Variants in ZBTB41 observed in about 807,000 individuals in gnomAD.
The protein encoded by ZBTB41 is zinc finger and BTB domain-containing protein 41.
A neutral mutation model predicts 87.6 loss-of-function variants in ZBTB41; 42 were observed. The observed-to-expected ratio is 0.48, with a 90% CI of 0.37 to 0.62. The LOEUF (loss-of-function observed/expected upper bound fraction) is 0.62, where lower values mean the gene tolerates loss of function less well. ZBTB41 is among the 20% of genes least tolerant of loss of function. The probability of loss-of-function intolerance (pLI) is 0.00; values close to 1 mark genes in which losing one functional copy is unlikely to be tolerated. For missense variants in ZBTB41, 799 were observed against 1,078.9 expected, an observed-to-expected ratio of 0.74 and a Z score of 3.63; for synonymous variants, 364 against 364.0, an observed-to-expected ratio of 1.00 and a Z score of 0.00.
At chr1:197,193,413 C>A (rs1201147657) in intron 2 of ZBTB41, among the ~76,000 whole-genome samples, 1 of 151,530 alleles carries the variant, frequency 6.6e-6, no homozygotes. Flanking sequence ...AACAAAAAAA[C>A]CCAGCACATA....
At chr1:197,186,266 G>A (rs558688263) in intron 5 of ZBTB41, among the ~76,000 whole-genome samples, 4 of 136,808 alleles carry the variant, frequency 2.9e-5, no homozygotes, top group Non-Finnish European at 4.8e-5. Flanking sequence ...AGTACAAATG[G>A]ATATCCACAG....
chr1:197,175,845 T>G (rs1005684754), intron 8 of ZBTB41: 10 of 151,980 alleles, frequency 6.6e-5, no homozygotes, highest in African/African-American at 2.4e-4. Context: ...AACTGCAACC[T>G]ATCTCATTGA....
chr1:197,153,688 C>T lies in ZBTB41; in HGVS notation c.*5671G>A, dbSNP rs2125119291. ...AAAACCTAGATATGCTGTATTAGGA[C>T]CAAAGAACTTTATATTTATTTTAAA... On this transcript the variant is annotated 3_prime_UTR_variant, in exon 11 of 11. Transcript: ENST00000367405. The T allele has an allele frequency of 6.6e-6, 1 of 152,094 alleles. No individual in the cohort carries two copies. Among genetic ancestry groups the T allele is most frequent in the East Asian group, 1.9e-4 (1 of 5,186 alleles). 9.4% of individuals were successfully genotyped at this position (152,094 alleles called of 1,614,324 possible). A position where few individuals can be genotyped will look rare whatever the true frequency, so the allele number is the denominator to read the frequency against.
rs199858327 is a variant in ZBTB41 at position 197,188,266 on chromosome 1, G to T, written c.1546+26C>A. ...TGTGATAATTAAAATTGTCATGACT[G>T]CCTTAAGAAAAAGTAACTTGCTTAC... On this transcript the variant is annotated intron_variant, in intron 5 of 10. Coordinates refer to ENST00000367405, the MANE Select transcript of ZBTB41 (RefSeq NM_194314.3). 6.6e-5 allele frequency: 106 copies of T among 1,610,168 alleles called. 1 individual carries two copies. The Middle Eastern group carries it at 8.3e-4, about 13-fold the overall frequency.
chr1:197,195,051 C>A (rs1036059343), intron 2 of ZBTB41, among the ~76,000 whole-genome samples: 29 of 152,172 alleles, frequency 1.9e-4, no homozygotes, highest in Admixed American at 9.2e-4. Flanking sequence ...AAACAGTAAA[C>A]ATCTACAACT....
At chr1:197,168,226 TAC>T (rs1259666132) in intron 10 of ZBTB41, among the ~76,000 whole-genome samples, 1 of 151,924 alleles carries the variant, frequency 6.6e-6, no homozygotes, top group African/African-American at 2.4e-5. Flanking sequence ...CACTAAAAAC[TAC>T]AAATCATCTT....
At chr1:197,165,765 G>A (rs1324853690) in intron 10 of ZBTB41, among the ~76,000 whole-genome samples, 1 of 152,098 alleles carries the variant, frequency 6.6e-6, no homozygotes, top group Non-Finnish European at 1.5e-5. Flanking sequence ...GGCAGGGAAA[G>A]GCAAATTAAA....
At chr1:197,184,988 AT>A (rs1170030695) in intron 5 of ZBTB41, among the ~76,000 whole-genome samples, 1 of 151,896 alleles carries the variant, frequency 6.6e-6, no homozygotes, top group Non-Finnish European at 1.5e-5. Flanking sequence ...CTAATTTTGT[AT>A]TTTTAGTAGA....
intron 2 of ZBTB41, among the ~76,000 whole-genome samples, chr1:197,196,142 C>T (rs1039981609): frequency 6.6e-6 from 1 of 152,138 alleles, no homozygotes; most frequent in Non-Finnish European, 1.5e-5. Flanking sequence ...GATACGTAAC[C>T]TCCAGGCTCA....
In ZBTB41 at chr1:197,201,281, C is replaced by A. The variant is rs551726778; in HGVS notation, c.-176G>T. 3.9e-5 allele frequency among the ~76,000 whole-genome samples: 6 copies of A among 152,306 alleles called. No homozygotes were observed. The highest frequency in any genetic ancestry group is 5.9e-5 in the Non-Finnish European group (4 of 68,028). Reference sequence around the variant, plus strand: ...AGCTGAGCTCCACTCTGGGCGCGCTCGCTCCTGCGCCTACCCACTTCCGGG... The same window carrying A: ...AGCTGAGCTCCACTCTGGGCGCGCTAGCTCCTGCGCCTACCCACTTCCGGG... On this transcript the variant is annotated 5_prime_UTR_variant, in exon 1 of 11. Coordinates refer to ENST00000367405, the MANE Select transcript of ZBTB41 (RefSeq NM_194314.3).
chr1:197,185,839 G>C (rs569946799), intron 5 of ZBTB41, among the ~76,000 whole-genome samples: 2 of 151,988 alleles, frequency 1.3e-5, no homozygotes, highest in Non-Finnish European at 2.9e-5. Context: ...AGAAATCAAA[G>C]AAAAACGAAA....
intron 10 of ZBTB41, among the ~76,000 whole-genome samples, chr1:197,162,710 C>T (rs1228648037): frequency 2.0e-5 from 3 of 152,156 alleles, no homozygotes; most frequent in Non-Finnish European, 4.4e-5. Context: ...CCAAGTCAGC[C>T]AGAACCTAAG....
In ZBTB41 at chr1:197,181,017, G is replaced by A. The variant is rs745604689; in HGVS notation, c.1647C>T (p.Cys549=). The A allele has an allele frequency of 6.3e-7, 1 of 1,599,132 alleles. No homozygotes were observed. ...CTHGGKRKWT[C]FICGKSVRER... is the part of the protein sequence containing the mutation. ...CTCGTACTGATTTTCCACAGATAAA[G>A]CAAGTCCATTTTCTCTTTCCACCAT... Residue 549 remains cysteine (C), a synonymous_variant, in exon 6 of 11, where the codon TGC becomes TGT. Transcript: ENST00000367405.
Position 197,178,397 on chromosome 1 carries a change from G to GA in ZBTB41, c.1772+19dup. 2.0e-6 allele frequency: 3 copies of GA among 1,519,456 alleles called. No individual in the cohort carries two copies. Among genetic ancestry groups the GA allele is most frequent in the South Asian group, 2.4e-5 (2 of 82,946 alleles). 94.1% of individuals were successfully genotyped at this position (1,519,456 alleles called of 1,614,324 possible). On this transcript the variant is annotated intron_variant, in intron 7 of 10. Coordinates refer to ENST00000367405, the MANE Select transcript of ZBTB41 (RefSeq NM_194314.3). Reference sequence around the variant, plus strand: ...ATAATTCTATCTTACTTAATAAAGGGAAAAAATGGTTTTACTTACCTATAC... The same window carrying GA: ...ATAATTCTATCTTACTTAATAAAGGGAAAAAAATGGTTTTACTTACCTATAC...
At chr1:197,180,942 A>G in intron 6 of ZBTB41, 46 bp downstream of exon 6, 1 of 1,552,352 alleles carries the variant, frequency 6.4e-7, no homozygotes, top group Non-Finnish European at 8.6e-7. Context: ...GATTATTTCT[A>G]CATAATAGTA....
intron 6 of ZBTB41, among the ~76,000 whole-genome samples, chr1:197,179,349 CAT>C (rs1184747096): frequency 1.3e-5 from 2 of 152,114 alleles, no homozygotes; most frequent in African/African-American, 4.8e-5. Flanking sequence ...ACATTACTCA[CAT>C]GTTTGTGGTG....
intron 9 of ZBTB41, among the ~76,000 whole-genome samples, chr1:197,172,782 G>A (rs1214262763): frequency 6.6e-6 from 1 of 151,904 alleles, no homozygotes; most frequent in Non-Finnish European, 1.5e-5. Flanking sequence ...TAGATGCTCA[G>A]GCTGATTAAA....
At chr1:197,162,739 T>C (rs561076569) in intron 10 of ZBTB41, among the ~76,000 whole-genome samples, 29 of 152,206 alleles carry the variant, frequency 1.9e-4, no homozygotes, top group Admixed American at 7.8e-4. Context: ...TCTGGTGACA[T>C]AGGAAGTATA....
chr1:197,170,277 TG>T (rs1659447260), intron 10 of ZBTB41, among the ~76,000 whole-genome samples: 2 of 151,712 alleles, frequency 1.3e-5, no homozygotes, highest in African/African-American at 4.8e-5. Context: ...AAAAAAAATC[TG>T]AAGAACAAAA....
Sources: allele counts gnomAD v4.1 joint callset (sites outside exome capture counted in the v4.1 genomes callset), GRCh38; gene constraint gnomAD v4.1.1; transcripts MANE v1.5; gene names NCBI Gene and HGNC (gene_info 2026-07-23, HGNC 2026-07-21).